The following CPQ variants were observed in gnomAD, a reference collection of about 807,000 sequenced individuals.
CPQ encodes Ser-Met dipeptidase.
In CPQ, 37 loss-of-function variants were observed where a neutral mutation model predicts 45.7. The ratio of observed to expected loss-of-function variants is 0.81; its 90% CI spans 0.62 to 1.07. The LOEUF is 1.07. Ranked by LOEUF, CPQ falls within the 50% of genes least tolerant of loss-of-function variation. CPQ has a pLI of 0.00. For synonymous variants in CPQ, 186 were observed against 205.8 expected (o/e 0.90, Z 0.82); for missense variants, 537 against 572.9 (o/e 0.94, Z 0.64).
At chr8:97,142,664 C>T (rs969074955) in intron 7 of CPQ, among the ~76,000 whole-genome samples, 1 of 152,186 alleles carries the variant, frequency 6.6e-6, no homozygotes, top group Non-Finnish European at 1.5e-5. Context: ...AGAGAGTTAG[C>T]AATATTTTCC....
intron 1 of CPQ, among the ~76,000 whole-genome samples, chr8:96,677,117 T>C (rs751686836): frequency 5.9e-5 from 9 of 152,142 alleles, no homozygotes; most frequent in Non-Finnish European, 1.3e-4. Context: ...CAATTGCAAA[T>C]TGTGCTGCTG....
chr8:96,981,042 A>C (rs1813886602), intron 5 of CPQ, among the ~76,000 whole-genome samples: 1 of 152,250 alleles, frequency 6.6e-6, no homozygotes, highest in Admixed American at 6.5e-5. Flanking sequence ...TGTTAAGGTC[A>C]ATATAATTTA....
chr8:96,799,814 A>T (rs1364975848), intron 2 of CPQ, among the ~76,000 whole-genome samples: 1 of 152,200 alleles, frequency 6.6e-6, no homozygotes, highest in Non-Finnish European at 1.5e-5. Flanking sequence ...CAGCTAATAC[A>T]TGGCAGGGTC....
In CPQ at chr8:96,675,971, A is replaced by G. The variant is rs1028041509; in HGVS notation, c.-35+30569A>G. 7.2e-5 allele frequency among the ~76,000 whole-genome samples: 11 copies of G among 152,000 alleles called. 1 individual carries two copies. Among genetic ancestry groups the G allele is most frequent in the Non-Finnish European group, 1.6e-4 (11 of 67,934 alleles). On this transcript the variant is annotated intron_variant, in intron 1 of 7. Transcript: ENST00000220763. ...GTTCCAATTGGCTTTTTATCATACC[A>G]AAAATGTTTATTTTTTCCTATTTTT...
At chr8:97,131,002 T>C (rs917193851) in intron 7 of CPQ, among the ~76,000 whole-genome samples, 2 of 152,216 alleles carry the variant, frequency 1.3e-5, no homozygotes, top group Non-Finnish European at 2.9e-5. Flanking sequence ...AAAAGCCTAC[T>C]TGCATAAATA....
intron 4 of CPQ, among the ~76,000 whole-genome samples, chr8:96,938,507 T>C (rs1327328187): frequency 6.6e-6 from 1 of 152,136 alleles, no homozygotes; most frequent in East Asian, 1.9e-4. Context: ...GGATCATGAT[T>C]ATCAACCCTA....
intron 3 of CPQ, among the ~76,000 whole-genome samples, chr8:96,862,505 G>A (rs1476474734): frequency 6.6e-6 from 1 of 151,966 alleles, no homozygotes; most frequent in Non-Finnish European, 1.5e-5. Flanking sequence ...ATCTTAAGGA[G>A]CTAGTTTAGG....
chr8:97,070,091 G>A (rs986216104), intron 7 of CPQ, among the ~76,000 whole-genome samples: 4 of 152,126 alleles, frequency 2.6e-5, no homozygotes, highest in Non-Finnish European at 2.9e-5. Context: ...TATCTTGGAT[G>A]TACTTTCCGC....
chr8:97,123,828 C>T (rs540713764), intron 7 of CPQ, among the ~76,000 whole-genome samples: 1 of 152,036 alleles, frequency 6.6e-6, no homozygotes, highest in Non-Finnish European at 1.5e-5. Context: ...AAAAGATATA[C>T]AGCAAATTCT....
At chr8:97,123,232 AAAATAAATAAAATAAAAT>A (rs1811786514) in intron 7 of CPQ, among the ~76,000 whole-genome samples, 3 of 144,502 alleles carry the variant, frequency 2.1e-5, no homozygotes, top group Non-Finnish European at 4.6e-5. Flanking sequence ...AAAATAAAAT[AAAATAAATAAAATAAAAT>A]AAAAATAAAA....
chr8:97,101,182 A>G (rs1244823252), intron 7 of CPQ, among the ~76,000 whole-genome samples: 2 of 152,164 alleles, frequency 1.3e-5, no homozygotes, highest in African/African-American at 4.8e-5. Context: ...TTTCAAATAT[A>G]TTCCAAAACT....
chr8:97,045,525 G>A lies in CPQ; in HGVS notation c.1053+16031G>A, dbSNP rs137865422. On this transcript the variant is annotated intron_variant, in intron 6 of 7. Coordinates refer to ENST00000220763, the MANE Select transcript of CPQ (RefSeq NM_016134.4). Reference sequence around the variant, plus strand: ...TGCGCCCACTGTCTGGCACTCCCTAGTGAGATGAACCTGGTACCTCAGATG... The same window carrying A: ...TGCGCCCACTGTCTGGCACTCCCTAATGAGATGAACCTGGTACCTCAGATG... Among the ~76,000 whole-genome samples, 332 of 152,312 alleles carry A rather than the reference G, an allele frequency of 2.2e-3. 2 individuals are homozygous for A. Among genetic ancestry groups the A allele is most frequent in the African/African-American group, 7.5e-3 (311 of 41,562 alleles).
chr8:96,910,925 C>G (rs1812651661), intron 4 of CPQ, among the ~76,000 whole-genome samples: 1 of 151,842 alleles, frequency 6.6e-6, no homozygotes, highest in Non-Finnish European at 1.5e-5. Context: ...TTAAGACTTT[C>G]CATATATGGG....
rs1812905562 is a variant in CPQ at position 96,927,318 on chromosome 8, T to C, written c.850-38617T>C. 3.3e-5 allele frequency among the ~76,000 whole-genome samples: 5 copies of C among 152,184 alleles called. No individual in the cohort carries two copies. The South Asian group carries it at 1.0e-3, about 31-fold the overall frequency. On this transcript the variant is annotated intron_variant, in intron 4 of 7. Transcript: ENST00000220763. ...AGGTTGCTTCCCCTGCTGGCTGGTG[T>C]TCCCCATCGTGCATGCATCCAGATG...
chr8:96,744,912 G>T (rs1403755232), intron 1 of CPQ, among the ~76,000 whole-genome samples: 1 of 152,152 alleles, frequency 6.6e-6, no homozygotes, highest in Non-Finnish European at 1.5e-5. Context: ...GTTGAAAGAT[G>T]TTACAGCCAC....
At chr8:96,884,711 G>A (rs1812276450) in intron 4 of CPQ, among the ~76,000 whole-genome samples, 3 of 152,150 alleles carry the variant, frequency 2.0e-5, no homozygotes, top group Admixed American at 2.0e-4. Context: ...TCTTTCATAG[G>A]CCAGGGAAGG....
chr8:96,835,908 A>C (rs191514575), intron 3 of CPQ, among the ~76,000 whole-genome samples: 6 of 152,322 alleles, frequency 3.9e-5, no homozygotes, highest in Non-Finnish European at 1.5e-5. Flanking sequence ...GATTGAGGTA[A>C]TGCCAAATAA....
chr8:97,034,560 TTTAA>T (rs1809963475), intron 6 of CPQ, among the ~76,000 whole-genome samples: 1 of 152,326 alleles, frequency 6.6e-6, no homozygotes. Context: ...TTTATTGAAG[TTTAA>T]TTAGCATTTG....
At chr8:97,005,666 C>T (rs1172086881) in intron 5 of CPQ, among the ~76,000 whole-genome samples, 1 of 152,078 alleles carries the variant, frequency 6.6e-6, no homozygotes, top group South Asian at 2.1e-4. Context: ...AGCTTAGATC[C>T]TAAACTATTC....
Sources: allele counts gnomAD v4.1 joint callset (sites outside exome capture counted in the v4.1 genomes callset), GRCh38; gene constraint gnomAD v4.1.1; transcripts MANE v1.5; gene names NCBI Gene and HGNC (gene_info 2026-07-23, HGNC 2026-07-21).